The following SLC2A4 variants were observed in gnomAD, a reference collection of about 807,000 sequenced individuals.
SLC2A4 encodes the protein solute carrier family 2, facilitated glucose transporter member 4.
In SLC2A4, 31 loss-of-function variants were observed where a neutral mutation model predicts 53.3. The ratio of observed to expected loss-of-function variants is 0.58; its 90% CI spans 0.44 to 0.78. The LOEUF is 0.78. Ranked by LOEUF, SLC2A4 falls within the 30% of genes least tolerant of loss-of-function variation. SLC2A4 has a pLI of 0.00. For synonymous variants in SLC2A4, 276 were observed against 281.9 expected, an observed-to-expected ratio of 0.98 and a Z score of 0.21; for missense variants, 538 against 655.7, an observed-to-expected ratio of 0.82 and a Z score of 1.96.
chr17:7,285,511 C>T lies in SLC2A4; in HGVS notation c.1123-194C>T, dbSNP rs1368106391. 1.3e-5 allele frequency among the ~76,000 whole-genome samples: 2 copies of T among 152,190 alleles called. No individual in the cohort carries two copies. Among genetic ancestry groups the T allele is most frequent in the Non-Finnish European group, 2.9e-5 (2 of 68,036 alleles). On this transcript the variant is annotated intron_variant, in intron 9 of 10. Coordinates refer to ENST00000317370, the MANE Select transcript of SLC2A4 (RefSeq NM_001042.3). The surrounding 1 kb of genome is among the most constrained non-coding windows in gnomAD (Gnocchi z 6.0). ...CTGACCGTCATAAGAACTGAGAGGC[C>T]ATAACATTTCCTCTGCCTTGAACCC...
In SLC2A4 at chr17:7,284,807, A is replaced by G; in HGVS notation, c.916-28A>G. ...GAGTAGAGGAAGGGGCATTCCTGCCATCACTTCTTCTTCTCCCCCACCTCT... is the reference window on the plus strand; with the variant it reads ...GAGTAGAGGAAGGGGCATTCCTGCCGTCACTTCTTCTTCTCCCCCACCTCT... On this transcript the variant is annotated intron_variant, in intron 7 of 10. Transcript: ENST00000317370. The surrounding 1 kb of genome is among the most constrained non-coding windows in gnomAD (Gnocchi z 7.5). 1 of 1,612,978 alleles carries G rather than the reference A, an allele frequency of 6.2e-7. No individual in the cohort carries two copies. Among genetic ancestry groups the G allele is most frequent in the South Asian group, 1.1e-5 (1 of 91,052 alleles).
chr17:7,285,662 A>G lies in SLC2A4; in HGVS notation c.1123-43A>G, dbSNP rs1412108861. On this transcript the variant is annotated intron_variant, in intron 9 of 10. Transcript: ENST00000317370. The surrounding 1 kb of genome is among the most constrained non-coding windows in gnomAD (Gnocchi z 6.0). ...GAGTTGAGGGCAAGGGAAGATCAGA[A>G]AGGCCTCAACTGGATTCTCCACCCT... is the stretch of plus-strand genomic sequence containing the variant. 5.7e-6 allele frequency: 9 copies of G among 1,587,428 alleles called. No individual in the cohort carries two copies. In the South Asian group the frequency reaches 7.7e-5, roughly 14 times the overall value.
At position 7,285,230 on chromosome 17, in the gene SLC2A4, T is replaced by C. The variant is rs1191048973; in HGVS notation, c.1122+41T>C. On this transcript the variant is annotated intron_variant, in intron 9 of 10. Coordinates refer to ENST00000317370, the MANE Select transcript of SLC2A4 (RefSeq NM_001042.3). The surrounding 1 kb of genome is among the most constrained non-coding windows in gnomAD (Gnocchi z 6.0). ...TAGGAGGGGCTAGCAGCCCACCCCA[T>C]GGGAATGGTCCTGTGAGTCTCTGTG... is the stretch of plus-strand genomic sequence containing the variant. The C allele has an allele frequency of 1.3e-6, 2 of 1,495,940 alleles. No homozygotes were observed. Among genetic ancestry groups the C allele is most frequent in the Non-Finnish European group, 9.1e-7 (1 of 1,095,640 alleles). 92.7% of individuals were successfully genotyped at this position (1,495,940 alleles called of 1,614,324 possible).
At position 7,281,956 on chromosome 17, in the gene SLC2A4, A is replaced by C. The variant is rs1293103801; in HGVS notation, c.22A>C (p.Ile8Leu). The C allele has an allele frequency of 7.4e-7, 1 of 1,348,234 alleles. No individual in the cohort carries two copies. The highest frequency in any genetic ancestry group is 1.2e-5 in the South Asian group (1 of 85,776). 83.5% of individuals were successfully genotyped at this position (1,348,234 alleles called of 1,614,324 possible). A position where few individuals can be genotyped will look rare whatever the true frequency, so the allele number is the denominator to read the frequency against. The change falls in exon 1 of 11, where the codon ATA (isoleucine) becomes CTA (leucine). Residue 8 changes from isoleucine to leucine, a missense_variant. By Grantham distance (5) the Ile-to-Leu change is conservative. Coordinates refer to ENST00000317370, the MANE Select transcript of SLC2A4 (RefSeq NM_001042.3). MPSGFQQ[I>L]GSEDGEPPQQ... ...CGAGATGCCGTCGGGCTTCCAACAG[A>C]TAGGCTCCGAAGTAGGATTCATCAT...
rs774374671 is a variant in SLC2A4 at position 7,283,595 on chromosome 17, C to T, written c.273C>T (p.Gly91=). The T allele has an allele frequency of 1.2e-6, 2 of 1,613,880 alleles. No individual in the cohort carries two copies. The highest frequency in any genetic ancestry group is 1.7e-6 in the Non-Finnish European group (2 of 1,179,998). Residue 91 remains glycine (G), a synonymous_variant, in exon 3 of 11, where the codon GGC becomes GGT. Coordinates refer to ENST00000317370, the MANE Select transcript of SLC2A4 (RefSeq NM_001042.3). This position sits in a 1 kb window ranked among gnomAD's most constrained non-coding sequence, Gnocchi z 5.8. ...TCTCCGTGGCCATCTTTTCCGTGGGCGGCATGATTTCCTCCTTCCTCATTG... is the reference window on the plus strand; with the variant it reads ...TCTCCGTGGCCATCTTTTCCGTGGGTGGCATGATTTCCTCCTTCCTCATTG... ...WALSVAIFSV[G]GMISSFLIGI...
Position 7,282,927 on chromosome 17 carries a change from C to G in SLC2A4, c.34-318C>G. ...ACTCAGGTTCGGGGCAGGGAAGTGA[C>G]TTGGCCAAGGTCACACAAATCTGAG... On this transcript the variant is annotated intron_variant, in intron 1 of 10. Coordinates refer to ENST00000317370, the MANE Select transcript of SLC2A4 (RefSeq NM_001042.3). The surrounding 1 kb of genome is among the most constrained non-coding windows in gnomAD (Gnocchi z 4.1). The G allele has an allele frequency of 2.5e-6, 1 of 404,566 alleles. No homozygotes were observed. Among genetic ancestry groups the G allele is most frequent in the Non-Finnish European group, 4.7e-6 (1 of 213,316 alleles). The allele number at this position is 404,566 out of a possible 1,614,324, so 25.1% of individuals were successfully genotyped here.
chr17:7,282,071 A>AG lies in SLC2A4; in HGVS notation c.33+109dup, dbSNP rs2072407164. 1.1e-6 allele frequency: 1 copy of AG among 911,348 alleles called. No individual in the cohort carries two copies. The highest frequency in any genetic ancestry group is 1.8e-6 in the Non-Finnish European group (1 of 567,620). 56.5% of individuals were successfully genotyped at this position (911,348 alleles called of 1,614,324 possible). A position where few individuals can be genotyped will look rare whatever the true frequency, so the allele number is the denominator to read the frequency against. ...CTGGGGGTGGTTCCTGCGCAGGCGC[A>AG]GGGGGTGAAGGTAGGGGGCTGGCTA... On this transcript the variant is annotated intron_variant, in intron 1 of 10. Transcript: ENST00000317370. This position sits in a 1 kb window ranked among gnomAD's most constrained non-coding sequence, Gnocchi z 4.1.
Position 7,282,461 on chromosome 17 carries a change from C to G in SLC2A4, c.33+494C>G. The G allele has an allele frequency of 2.2e-6, 1 of 453,590 alleles. No homozygotes were observed. The highest frequency in any genetic ancestry group is 1.6e-5 in the South Asian group (1 of 64,272). 28.1% of individuals were successfully genotyped at this position (453,590 alleles called of 1,614,324 possible). On this transcript the variant is annotated intron_variant, in intron 1 of 10. Coordinates refer to ENST00000317370, the MANE Select transcript of SLC2A4 (RefSeq NM_001042.3). This position sits in a 1 kb window ranked among gnomAD's most constrained non-coding sequence, Gnocchi z 4.1. Reference sequence around the variant, plus strand: ...GGAGGGGCAGAGGGGACTGTCAGCCCCCCCTCCTCCAGCTCAGGTTTCCGC... The same window carrying G: ...GGAGGGGCAGAGGGGACTGTCAGCCGCCCCTCCTCCAGCTCAGGTTTCCGC...
Position 7,285,688 on chromosome 17 carries a change from C to T in SLC2A4, c.1123-17C>T, listed in dbSNP as rs781688417. On this transcript the variant is annotated splice_polypyrimidine_tract_variant and intron_variant, in intron 9 of 10. Transcript: ENST00000317370. This position sits in a 1 kb window ranked among gnomAD's most constrained non-coding sequence, Gnocchi z 6.0. ...AGGCCTCAACTGGATTCTCCACCCT[C>T]CCTGTCTGGCCCCTAGGAGCGAGTT... is the stretch of plus-strand genomic sequence containing the variant. 20 of 1,613,398 alleles carry T rather than the reference C, an allele frequency of 1.2e-5. No individual in the cohort carries two copies. The highest frequency in any genetic ancestry group is 1.5e-5 in the Non-Finnish European group (18 of 1,179,410).
rs745416470 is a variant in SLC2A4, at chr17:7,285,807, G to A, written c.1225G>A (p.Glu409Lys). 9 of 1,614,060 alleles carry A rather than the reference G, an allele frequency of 5.6e-6. No individual in the cohort carries two copies. The highest frequency in any genetic ancestry group is 2.2e-5 in the East Asian group (1 of 44,900). The change falls in exon 10 of 11, where the codon GAG becomes AAG. Residue 409 changes from glutamate to lysine, a missense_variant. By Grantham distance (56) the Glu-to-Lys change is moderately conservative. Coordinates refer to ENST00000317370, the MANE Select transcript of SLC2A4 (RefSeq NM_001042.3). This position sits in a 1 kb window ranked among gnomAD's most constrained non-coding sequence, Gnocchi z 6.0. ...CCCCATTCCTTGGTTCATCGTGGCC[G>A]AGCTCTTCAGCCAGGGACCCCGCCC... ...PGPIPWFIVA[E>K]LFSQGPRPAA...
chr17:7,281,934 G>C lies in SLC2A4; in HGVS notation c.-1G>C, dbSNP rs777618051. 3.1e-6 allele frequency: 5 copies of C among 1,591,114 alleles called. No homozygotes were observed. The South Asian group carries it at 5.6e-5, about 18-fold the overall frequency. ...TGCGCGTCCAGCTCTTCTAAGACGA[G>C]ATGCCGTCGGGCTTCCAACAGATAG... On this transcript the variant is annotated 5_prime_UTR_variant, in exon 1 of 11. Coordinates refer to ENST00000317370, the MANE Select transcript of SLC2A4 (RefSeq NM_001042.3).
At position 7,282,274 on chromosome 17, in the gene SLC2A4, G is replaced by T; in HGVS notation, c.33+307G>T. ...ATCGGGGACACCCTGCCCTCGATCC[G>T]ACTCGGGAAAGCAGATCCAGGCGGG... On this transcript the variant is annotated intron_variant, in intron 1 of 10. Transcript: ENST00000317370. This position sits in a 1 kb window ranked among gnomAD's most constrained non-coding sequence, Gnocchi z 4.1. The T allele has an allele frequency of 1.7e-6, 1 of 577,266 alleles. No individual in the cohort carries two copies. The allele number at this position is 577,266 out of a possible 1,614,324, so 35.8% of individuals were successfully genotyped here. A position where few individuals can be genotyped will look rare whatever the true frequency, so the allele number is the denominator to read the frequency against.
At position 7,283,168 on chromosome 17, in the gene SLC2A4, TG is replaced by T; in HGVS notation, c.34-74del. ...GAGCCCAGTATCTTCAGGCTCCAGC[TG>T]GGCCCGGGCCCCTAGCGGAAGGAAA... On this transcript the variant is annotated intron_variant, in intron 1 of 10. Transcript: ENST00000317370. The surrounding 1 kb of genome is among the most constrained non-coding windows in gnomAD (Gnocchi z 5.8). 1 of 1,167,510 alleles carries T rather than the reference TG, an allele frequency of 8.6e-7. No homozygotes were observed. The highest frequency in any genetic ancestry group is 1.3e-6 in the Non-Finnish European group (1 of 773,548). The allele number at this position is 1,167,510 out of a possible 1,614,324, so 72.3% of individuals were successfully genotyped here.
In SLC2A4 at chr17:7,283,955, C is replaced by T. The variant is rs1410839424; in HGVS notation, c.449-19C>T. 1 of 1,613,176 alleles carries T rather than the reference C, an allele frequency of 6.2e-7. No homozygotes were observed. The highest frequency in any genetic ancestry group is 8.5e-7 in the Non-Finnish European group (1 of 1,179,360). ...GGAATGGACACCTGCCCTCAGCCCT[C>T]TCTTCTTCCCTCGCCCAGGGCTGAC... On this transcript the variant is annotated intron_variant, in intron 4 of 10. Transcript: ENST00000317370. This position sits in a 1 kb window ranked among gnomAD's most constrained non-coding sequence, Gnocchi z 5.8.
chr17:7,283,123 C>A lies in SLC2A4; in HGVS notation c.34-122C>A. 1 of 824,646 alleles carries A rather than the reference C, an allele frequency of 1.2e-6. No individual in the cohort carries two copies. The highest frequency in any genetic ancestry group is 2.2e-6 in the Non-Finnish European group (1 of 462,630). The allele number at this position is 824,646 out of a possible 1,614,324, so 51.1% of individuals were successfully genotyped here. A position where few individuals can be genotyped will look rare whatever the true frequency, so the allele number is the denominator to read the frequency against. On this transcript the variant is annotated intron_variant, in intron 1 of 10. Transcript: ENST00000317370. The surrounding 1 kb of genome is among the most constrained non-coding windows in gnomAD (Gnocchi z 5.8). ...CAATTCCTAATATGGCCCAGTTTCC[C>A]TCACCCAACATGTTGGGTGGAGCCC...
rs1322706987 is a variant in SLC2A4, at chr17:7,287,129, T to G, written c.*500T>G. 4.5e-5 allele frequency: 7 copies of G among 155,518 alleles called. No individual in the cohort carries two copies. Among genetic ancestry groups the G allele is most frequent in the African/African-American group, 1.6e-4 (6 of 37,828 alleles). 9.6% of individuals were successfully genotyped at this position (155,518 alleles called of 1,614,324 possible). On this transcript the variant is annotated 3_prime_UTR_variant, in exon 11 of 11. Coordinates refer to ENST00000317370, the MANE Select transcript of SLC2A4 (RefSeq NM_001042.3). ...TGGGCAAAGGGGTTTTTTTTTTTTT[T>G]TTTTTTTTTTTTTTTGAGACAGTCT...
chr17:7,287,115 G>GGTTCTCTTTTTT lies in SLC2A4; in HGVS notation c.*486_*487insGTTCTCTTTTTT, dbSNP rs542749322. The GGTTCTCTTTTTT allele has an allele frequency of 2.0e-5, 2 of 97,696 alleles. No homozygotes were observed. The highest frequency in any genetic ancestry group is 2.0e-5 in the Non-Finnish European group (1 of 49,466). 6.1% of individuals were successfully genotyped at this position (97,696 alleles called of 1,614,324 possible). A position where few individuals can be genotyped will look rare whatever the true frequency, so the allele number is the denominator to read the frequency against. Reference sequence around the variant, plus strand: ...TGCCACGCAGACTCTGGGCAAAGGGGTTTTTTTTTTTTTTTTTTTTTTTTT... The same window carrying GGTTCTCTTTTTT: ...TGCCACGCAGACTCTGGGCAAAGGGGGTTCTCTTTTTTTTTTTTTTTTTTTTTTTTTTTTTTT... On this transcript the variant is annotated 3_prime_UTR_variant, in exon 11 of 11. Coordinates refer to ENST00000317370, the MANE Select transcript of SLC2A4 (RefSeq NM_001042.3).
chr17:7,283,400 G>A lies in SLC2A4; in HGVS notation c.150+39G>A, dbSNP rs374096878. 2.7e-5 allele frequency: 44 copies of A among 1,612,026 alleles called. No homozygotes were observed. The Admixed American group carries it at 5.3e-4, about 20-fold the overall frequency. On this transcript the variant is annotated intron_variant, in intron 2 of 10. Transcript: ENST00000317370. This position sits in a 1 kb window ranked among gnomAD's most constrained non-coding sequence, Gnocchi z 5.8. ...GCTGGCAGGGTGGGGGTACCCAAAC[G>A]AGGAGGACAGGTGTCTCGGGGGTGG...
chr17:7,284,366 G>T lies in SLC2A4; in HGVS notation c.714G>T (p.Gly238=). ...RYLYIIQNLE[G]PARKSLKRLT... ...TCTACATCATCCAGAATCTCGAGGG[G>T]CCTGCCAGAAAGAGTAAGCTCTCCC... The change falls in exon 6 of 11, where the codon GGG becomes GGT. Residue 238 remains glycine (G), a synonymous_variant. Coordinates refer to ENST00000317370, the MANE Select transcript of SLC2A4 (RefSeq NM_001042.3). This position sits in a 1 kb window ranked among gnomAD's most constrained non-coding sequence, Gnocchi z 7.5. 1 of 1,614,084 alleles carries T rather than the reference G, an allele frequency of 6.2e-7. No individual in the cohort carries two copies. The highest frequency in any genetic ancestry group is 8.5e-7 in the Non-Finnish European group (1 of 1,180,032).
Sources: allele counts gnomAD v4.1 joint callset (sites outside exome capture counted in the v4.1 genomes callset), GRCh38; gene constraint gnomAD v4.1.1; non-coding constraint Gnocchi (gnomAD v3.1); transcripts MANE v1.5; gene names NCBI Gene and HGNC (gene_info 2026-07-23, HGNC 2026-07-21).